KIAA1328: variants seen among roughly 807,000 people sequenced by gnomAD.
The protein encoded by KIAA1328 is protein hinderin.
In KIAA1328, 52 loss-of-function variants were observed where a neutral mutation model predicts 68.1. The observed-to-expected ratio is 0.76, with a 90% CI of 0.61 to 0.96. The LOEUF (loss-of-function observed/expected upper bound fraction) is 0.96, where lower values mean the gene tolerates loss of function less well. KIAA1328 is among the 40% of genes least tolerant of loss of function. KIAA1328 has a pLI of 0.00. For synonymous variants in KIAA1328, 232 were observed against 239.4 expected, an observed-to-expected ratio of 0.97 and a Z score of 0.28; for missense variants, 641 against 677.6, an observed-to-expected ratio of 0.95 and a Z score of 0.60.
chr18:37,098,374 A>G (rs1388280117), intron 7 of KIAA1328, among the ~76,000 whole-genome samples: 1 of 152,184 alleles, frequency 6.6e-6, no homozygotes, highest in Non-Finnish European at 1.5e-5. Flanking sequence ...GCTGGATTAC[A>G]TTTATTGATT....
chr18:37,119,649 A>G (rs1380477717), intron 7 of KIAA1328, among the ~76,000 whole-genome samples: 1 of 152,070 alleles, frequency 6.6e-6, no homozygotes. Context: ...ATACCATCAA[A>G]TTGGGGGTTA....
intron 5 of KIAA1328, among the ~76,000 whole-genome samples, chr18:36,949,811 GA>G (rs1444959186): frequency 2.1e-5 from 3 of 141,664 alleles, no homozygotes; most frequent in Non-Finnish European, 4.6e-5. Context: ...CCAGAGCATT[GA>G]GTTTTCCACT....
intron 7 of KIAA1328, among the ~76,000 whole-genome samples, chr18:37,137,150 G>A (rs2058664464): frequency 6.6e-6 from 1 of 151,976 alleles, no homozygotes; most frequent in Admixed American, 6.6e-5. Flanking sequence ...TATATACCAG[G>A]ATCACATCTT....
At chr18:37,178,783 A>G (rs2059643300) in intron 9 of KIAA1328, among the ~76,000 whole-genome samples, 1 of 152,102 alleles carries the variant, frequency 6.6e-6, no homozygotes, top group Non-Finnish European at 1.5e-5. Context: ...ACAGGAGCAA[A>G]GTGATATTTC....
intron 6 of KIAA1328, among the ~76,000 whole-genome samples, chr18:36,979,547 A>G (rs1398548624): frequency 6.6e-6 from 1 of 152,188 alleles, no homozygotes; most frequent in Non-Finnish European, 1.5e-5. Flanking sequence ...AAAACAGAAT[A>G]AAGGCTGGTA....
chr18:37,185,729 A>G (rs1568509145), intron 9 of KIAA1328, among the ~76,000 whole-genome samples: 1 of 151,664 alleles, frequency 6.6e-6, no homozygotes, highest in Non-Finnish European at 1.5e-5. Context: ...ATACACACAC[A>G]CACACACACA....
At chr18:36,973,086 A>G (rs1316902417) in intron 6 of KIAA1328, among the ~76,000 whole-genome samples, 2 of 152,206 alleles carry the variant, frequency 1.3e-5, no homozygotes, top group East Asian at 1.9e-4. Context: ...AATGTCCATC[A>G]GTGATAGACT....
chr18:37,063,743 C>G, intron 6 of KIAA1328: 1 of 818,030 alleles, frequency 1.2e-6, no homozygotes, highest in Non-Finnish European at 1.5e-6. Flanking sequence ...TAATTTATTC[C>G]AAATACTTGA....
chr18:36,918,122 G>A (rs1199546402), intron 5 of KIAA1328, among the ~76,000 whole-genome samples: 1 of 151,990 alleles, frequency 6.6e-6, no homozygotes, highest in Non-Finnish European at 1.5e-5. Flanking sequence ...TGTCATATCT[G>A]TAGTAACACA....
At chr18:36,956,492 T>C (rs185602935) in intron 5 of KIAA1328, among the ~76,000 whole-genome samples, 106 of 150,948 alleles carry the variant, frequency 7.0e-4, no homozygotes, top group African/African-American at 2.6e-3. Context: ...AACATAAATC[T>C]TTCTCTCCAG....
intron 4 of KIAA1328, among the ~76,000 whole-genome samples, chr18:36,867,237 G>T (rs917138138): frequency 6.6e-6 from 1 of 152,114 alleles, no homozygotes; most frequent in Non-Finnish European, 1.5e-5. Flanking sequence ...AGAAATGAAT[G>T]GTTTAGCTTT....
intron 9 of KIAA1328, among the ~76,000 whole-genome samples, chr18:37,219,232 T>TGAGGTGTCAGTCGGCCCCTACTGG: frequency 6.6e-6 from 1 of 152,314 alleles, no homozygotes; most frequent in Admixed American, 6.5e-5. Context: ...CCCAGCTGTA[T>TGAGGTGTCAGTCGGCCCCTACTGG]GAGGTGTCAG....
intron 7 of KIAA1328, among the ~76,000 whole-genome samples, chr18:37,139,248 C>T (rs377026642): frequency 2.6e-5 from 4 of 152,124 alleles, no homozygotes; most frequent in Non-Finnish European, 5.9e-5. Flanking sequence ...CAGGCATGAG[C>T]CACCGTGCCC....
intron 5 of KIAA1328, among the ~76,000 whole-genome samples, chr18:36,919,670 A>G (rs1252043006): frequency 6.6e-6 from 1 of 152,210 alleles, no homozygotes; most frequent in South Asian, 2.1e-4. Context: ...CAGTGGCTGA[A>G]CTAATTTACA....
intron 5 of KIAA1328, among the ~76,000 whole-genome samples, chr18:36,925,399 G>A (rs1166706779): frequency 1.3e-5 from 2 of 152,148 alleles, no homozygotes; most frequent in South Asian, 2.1e-4. Context: ...ACCATGAATT[G>A]AATACCTTCT....
chr18:37,204,444 A>G (rs1355879343), intron 9 of KIAA1328, among the ~76,000 whole-genome samples: 1 of 152,226 alleles, frequency 6.6e-6, no homozygotes, highest in Non-Finnish European at 1.5e-5. Flanking sequence ...ACAGACATGT[A>G]CACAGGTATA....
At chr18:37,174,997 T>C (rs1409192800) in intron 9 of KIAA1328, among the ~76,000 whole-genome samples, 2 of 152,110 alleles carry the variant, frequency 1.3e-5, no homozygotes, top group Admixed American at 6.6e-5. Context: ...AATGCTACTG[T>C]TGTTGGCATT....
chr18:37,068,939 G>A (rs9954482), intron 7 of KIAA1328, among the ~76,000 whole-genome samples: 40,661 of 151,930 alleles, frequency 0.27, 8,580 homozygotes, highest in African/African-American at 0.59. Flanking sequence ...TGCCTTTTTA[G>A]TTGCTTAATG....
chr18:37,032,242 C>T (rs563868243), intron 6 of KIAA1328, among the ~76,000 whole-genome samples: 5 of 152,284 alleles, frequency 3.3e-5, no homozygotes, highest in African/African-American at 1.2e-4. Context: ...TAATGTATAA[C>T]TGCATAAAAG....
Sources: gnomAD v4.1 joint callset for allele counts (sites outside exome capture counted in the v4.1 genomes callset) on GRCh38, gnomAD v4.1.1 for gene constraint, MANE v1.5 for transcripts, NCBI Gene and HGNC (gene_info 2026-07-23, HGNC 2026-07-21) for gene names.